Variants in ASCC1 observed in about 807,000 individuals in gnomAD.
ASCC1 encodes ASC-1 complex subunit P50.
A neutral mutation model predicts 46.6 loss-of-function variants in ASCC1; 35 were observed. The ratio of observed to expected loss-of-function variants is 0.75; its 90% CI spans 0.57 to 0.99. The LOEUF is 0.99. Among genes scored for constraint, ASCC1 ranks in the 50% least tolerant of loss-of-function variants. The pLI is 0.00. For synonymous variants in ASCC1, 143 were observed against 146.6 expected (o/e 0.98, Z 0.18); for missense variants, 376 against 428.7 (o/e 0.88, Z 1.09).
intron 7 of ASCC1, among the ~76,000 whole-genome samples, chr10:72,137,139 C>T (rs1366369532): frequency 6.6e-6 from 1 of 151,978 alleles, no homozygotes; most frequent in African/African-American, 2.4e-5. Flanking sequence ...AGGTCTTGAA[C>T]TCCTGGCCTC....
Position 72,136,826 on chromosome 10 carries a change from G to A in ASCC1, c.747-3645C>T, listed in dbSNP as rs187552418. Among the ~76,000 whole-genome samples, 266 of 146,158 alleles carry A rather than the reference G, an allele frequency of 1.8e-3. 2 individuals carry two copies. The highest frequency in any genetic ancestry group is 0.017 in the Middle Eastern group (4 of 234). ...GGAAGGAACAAACAACTCCGGATGC[G>A]CCACCTTTAAGAGCTGTAACACTCA... On this transcript the variant is annotated intron_variant, in intron 7 of 9. Coordinates refer to ENST00000672957, the MANE Select transcript of ASCC1 (RefSeq NM_001198800.3).
chr10:72,136,671 C>CT lies in ASCC1; in HGVS notation c.747-3491dup, dbSNP rs530533875. On this transcript the variant is annotated intron_variant, in intron 7 of 9. Coordinates refer to ENST00000672957, the MANE Select transcript of ASCC1 (RefSeq NM_001198800.3). ...GGGTCCCCCTTCCATGCTGTGGAAGCTTTGTTCTTTCACTCTTCACAATCA... is the reference window on the plus strand; with the variant it reads ...GGGTCCCCCTTCCATGCTGTGGAAGCTTTTGTTCTTTCACTCTTCACAATCA... 2.2e-4 allele frequency among the ~76,000 whole-genome samples: 33 copies of CT among 152,318 alleles called. No homozygotes were observed. In the East Asian group the frequency reaches 4.4e-3, roughly 20 times the overall value.
chr10:72,162,566 C>T (rs1849830108), intron 5 of ASCC1, among the ~76,000 whole-genome samples: 2 of 152,138 alleles, frequency 1.3e-5, no homozygotes, highest in Non-Finnish European at 2.9e-5. Context: ...AACTCCTGGG[C>T]TCAAGCGATC....
rs58791405 is a variant in ASCC1 at position 72,202,901 on chromosome 10, G to A, written c.310+526C>T. On this transcript the variant is annotated intron_variant, in intron 4 of 9. Coordinates refer to ENST00000672957, the MANE Select transcript of ASCC1 (RefSeq NM_001198800.3). ...CTTTATTCCATCAATGTATGGTAAA[G>A]TATAAAATTAAGGCCCAGGTACTCA... Among the ~76,000 whole-genome samples the A allele has an allele frequency of 1.0e-3, 155 of 152,238 alleles. 3 individuals carry two copies. The highest frequency in any genetic ancestry group is 3.1e-3 in the African/African-American group (129 of 41,538).
chr10:72,101,476 C>T (rs1397207035), intron 9 of ASCC1, among the ~76,000 whole-genome samples: 1 of 151,900 alleles, frequency 6.6e-6, no homozygotes, highest in African/African-American at 2.4e-5. Context: ...TAGGGCGTAA[C>T]ACAGAGGAGG....
At chr10:72,156,645 G>A (rs927428336) in intron 6 of ASCC1, among the ~76,000 whole-genome samples, 20 of 151,900 alleles carry the variant, frequency 1.3e-4, no homozygotes, top group Admixed American at 1.0e-3. Context: ...GGTGGCGGGC[G>A]CCTGTAGTCC....
chr10:72,194,309 T>A (rs1046757611), intron 5 of ASCC1, among the ~76,000 whole-genome samples: 1 of 140,802 alleles, frequency 7.1e-6, no homozygotes, highest in Non-Finnish European at 1.6e-5. Flanking sequence ...AATAATTGAA[T>A]AAATAAACAG....
chr10:72,136,480 G>C (rs1377203660), intron 7 of ASCC1, among the ~76,000 whole-genome samples: 2 of 152,216 alleles, frequency 1.3e-5, no homozygotes, highest in African/African-American at 4.8e-5. Flanking sequence ...CTGTAAAAAT[G>C]CACCAATCAG....
At chr10:72,193,445 AACACACACACACACACAC>A (rs57910616) in intron 5 of ASCC1, among the ~76,000 whole-genome samples, 1 of 146,404 alleles carries the variant, frequency 6.8e-6, no homozygotes, top group African/African-American at 2.5e-5. Context: ...TAATAAACAA[AACACACACACACACACAC>A]ACACACACAC....
At chr10:72,197,068 T>A in intron 4 of ASCC1, 79 bp from the exon 5 acceptor site, 1 of 1,400,702 alleles carries the variant, frequency 7.1e-7, no homozygotes, top group Non-Finnish European at 1.0e-6. Flanking sequence ...TACTGTCACC[T>A]CTGAGGAGCT....
At chr10:72,139,184 G>A (rs2132387823) in intron 7 of ASCC1, among the ~76,000 whole-genome samples, 1 of 147,172 alleles carries the variant, frequency 6.8e-6, no homozygotes, top group African/African-American at 2.5e-5. Context: ...CACAATCTCA[G>A]CTCATTGCAA....
chr10:72,199,344 C>T (rs1179349387), intron 4 of ASCC1, among the ~76,000 whole-genome samples: 2 of 142,592 alleles, frequency 1.4e-5, no homozygotes, highest in Non-Finnish European at 3.0e-5. Flanking sequence ...GTTTCCCAGG[C>T]TGGAGTGCAG....
chr10:72,141,918 C>A (rs1169979364), intron 7 of ASCC1, among the ~76,000 whole-genome samples: 1 of 152,026 alleles, frequency 6.6e-6, no homozygotes, highest in Non-Finnish European at 1.5e-5. Flanking sequence ...CAAATAATGA[C>A]CATTGGTCTT....
chr10:72,108,103 GT>G (rs1842556128), intron 9 of ASCC1, among the ~76,000 whole-genome samples: 1 of 144,722 alleles, frequency 6.9e-6, no homozygotes, highest in Non-Finnish European at 1.5e-5. Flanking sequence ...TTGAAACAAG[GT>G]CTTACTCTGT....
intron 3 of ASCC1, chr10:72,204,354 C>T (rs1052748999): frequency 2.1e-5 from 33 of 1,543,100 alleles, no homozygotes; most frequent in African/African-American, 4.1e-5. Flanking sequence ...CCCATGAAGA[C>T]GGGACATGAG....
chr10:72,120,096 C>T (rs943532478), intron 9 of ASCC1, among the ~76,000 whole-genome samples: 1 of 152,000 alleles, frequency 6.6e-6, no homozygotes, highest in African/African-American at 2.4e-5. Flanking sequence ...GATATGATGG[C>T]GGGTGCCTGT....
At chr10:72,157,175 A>T (rs892286819) in intron 6 of ASCC1, among the ~76,000 whole-genome samples, 1 of 152,296 alleles carries the variant, frequency 6.6e-6, no homozygotes, top group Non-Finnish European at 1.5e-5. Context: ...GCCACCTCTA[A>T]TAAGAAGTGA....
In ASCC1 at chr10:72,151,984, C is replaced by T. The variant is rs896292648; in HGVS notation, c.746+885G>A. Among the ~76,000 whole-genome samples, 11 of 122,574 alleles carry T rather than the reference C, an allele frequency of 9.0e-5. No individual in the cohort carries two copies. In the Admixed American group the frequency reaches 9.0e-4, roughly 10 times the overall value. 80.4% of individuals were successfully genotyped at this position (122,574 alleles called of 152,430 possible). A position where few individuals can be genotyped will look rare whatever the true frequency, so the allele number is the denominator to read the frequency against. Reference sequence around the variant, plus strand: ...GATTACAGGCGTGAGCCACCGCAACCGGCCAATATTTTTTTTTTTTTTTTT... The same window carrying T: ...GATTACAGGCGTGAGCCACCGCAACTGGCCAATATTTTTTTTTTTTTTTTT... On this transcript the variant is annotated intron_variant, in intron 7 of 9. Coordinates refer to ENST00000672957, the MANE Select transcript of ASCC1 (RefSeq NM_001198800.3).
chr10:72,186,722 G>C (rs989190177), intron 5 of ASCC1, among the ~76,000 whole-genome samples: 11 of 152,030 alleles, frequency 7.2e-5, no homozygotes, highest in African/African-American at 2.7e-4. Flanking sequence ...ATTTCCAGCT[G>C]TTATCAGGGC....
Sources: allele counts gnomAD v4.1 joint callset (sites outside exome capture counted in the v4.1 genomes callset), GRCh38; gene constraint gnomAD v4.1.1; transcripts MANE v1.5; gene names NCBI Gene and HGNC (gene_info 2026-07-23, HGNC 2026-07-21).